Variants in SORCS1 observed in about 807,000 individuals in gnomAD.
SORCS1 encodes sortilin related VPS10 domain containing receptor 1.
In SORCS1, 60 loss-of-function variants were observed where a neutral mutation model predicts 146.1. The observed-to-expected ratio is 0.41, with a 90% confidence interval of 0.33 to 0.51. SORCS1 has a LOEUF of 0.51. SORCS1 is among the 20% of genes least tolerant of loss of function. The pLI is 0.21. For synonymous variants in SORCS1, 637 were observed against 584.0 expected (o/e 1.09, Z -1.31); for missense variants, 1,352 against 1,487.6 (o/e 0.91, Z 1.50).
intron 1 of SORCS1, among the ~76,000 whole-genome samples, chr10:107,152,141 C>T (rs1324364492): frequency 2.0e-5 from 3 of 152,166 alleles, no homozygotes; most frequent in African/African-American, 7.2e-5. Flanking sequence ...AGAGTGCAAA[C>T]CCTAAGCCTT....
intron 1 of SORCS1, among the ~76,000 whole-genome samples, chr10:107,139,534 G>GA (rs139858876): frequency 6.1e-4 from 93 of 152,236 alleles, no homozygotes; most frequent in African/African-American, 2.1e-3. Flanking sequence ...GAGAGAAAGA[G>GA]AAAAGGAAAG....
rs148749640 is a variant in SORCS1 at position 106,666,604 on chromosome 10, T to C, written c.2303+1085A>G. On this transcript the variant is annotated intron_variant, in intron 17 of 25. Coordinates refer to ENST00000263054, the MANE Select transcript of SORCS1 (RefSeq NM_052918.5). ...CAGAGTCTTACTCGGTCACCCAGGC[T>C]GGAGTGCAGTGGTGCAATCCCGGCT... is the stretch of plus-strand genomic sequence containing the variant. Among the ~76,000 whole-genome samples the C allele has an allele frequency of 6.1e-3, 925 of 151,452 alleles. 12 individuals carry two copies. The highest frequency in any genetic ancestry group is 0.021 in the African/African-American group (872 of 41,176).
At chr10:106,883,747 T>C (rs4918266) in intron 2 of SORCS1, among the ~76,000 whole-genome samples, 60 of 152,284 alleles carry the variant, frequency 3.9e-4, no homozygotes, top group African/African-American at 1.4e-3. Context: ...TGGTTGTATA[T>C]CTATTGCCAG....
chr10:107,120,621 T>C (rs890651194), intron 1 of SORCS1, among the ~76,000 whole-genome samples: 2 of 152,192 alleles, frequency 1.3e-5, no homozygotes, highest in Non-Finnish European at 2.9e-5. Flanking sequence ...ATGCACAGGA[T>C]AACCTAATAG....
At chr10:106,700,868 C>G (rs1488917778) in intron 8 of SORCS1, among the ~76,000 whole-genome samples, 2 of 152,128 alleles carry the variant, frequency 1.3e-5, no homozygotes, top group Non-Finnish European at 2.9e-5. Flanking sequence ...GAAAGAACCC[C>G]AAGTGGATAG....
At chr10:106,629,909 TGGC>T (rs1482905548) in intron 18 of SORCS1, among the ~76,000 whole-genome samples, 1 of 152,104 alleles carries the variant, frequency 6.6e-6, no homozygotes, top group Middle Eastern at 3.2e-3. Context: ...CTGGGCGTGG[TGGC>T]GCACGCCTAT....
chr10:107,033,878 G>A (rs1158141685), intron 1 of SORCS1, among the ~76,000 whole-genome samples: 1 of 152,142 alleles, frequency 6.6e-6, no homozygotes, highest in Admixed American at 6.5e-5. Flanking sequence ...AGCCATGTGG[G>A]GTGAGGGAGC....
At chr10:106,581,295 C>G (rs1039530766) in intron 24 of SORCS1, among the ~76,000 whole-genome samples, 1 of 149,628 alleles carries the variant, frequency 6.7e-6, no homozygotes, top group African/African-American at 2.5e-5. Flanking sequence ...ATGGAAGAAC[C>G]AAGACTTGAA....
At chr10:106,854,928 T>A (rs1589560412) in intron 2 of SORCS1, among the ~76,000 whole-genome samples, 1 of 152,164 alleles carries the variant, frequency 6.6e-6, no homozygotes, top group Admixed American at 6.5e-5. Context: ...AGAATAAAGG[T>A]TTTTGTGGTA....
rs546140770 is a variant in SORCS1, at chr10:106,607,953, T to G, written c.3034-656A>C. Among the ~76,000 whole-genome samples, 147 of 152,294 alleles carry G rather than the reference T, an allele frequency of 9.7e-4. 2 individuals are homozygous for G. Among genetic ancestry groups the G allele is most frequent in the African/African-American group, 3.4e-3 (143 of 41,558 alleles). On this transcript the variant is annotated intron_variant, in intron 22 of 25. Coordinates refer to ENST00000263054, the MANE Select transcript of SORCS1 (RefSeq NM_052918.5). ...CCTGAAGCACCCTGAGCCCTCCACTTGGCCACACTGACTCTTCTGTTAAAA... is the reference window on the plus strand; with the variant it reads ...CCTGAAGCACCCTGAGCCCTCCACTGGGCCACACTGACTCTTCTGTTAAAA...
intron 1 of SORCS1, among the ~76,000 whole-genome samples, chr10:107,110,780 G>A (rs1418608829): frequency 1.3e-5 from 2 of 152,174 alleles, no homozygotes; most frequent in African/African-American, 4.8e-5. Flanking sequence ...CAGTGACCTA[G>A]GAGGAGCCCT....
chr10:106,598,849 G>T (rs1237247290), intron 23 of SORCS1, among the ~76,000 whole-genome samples: 1 of 152,104 alleles, frequency 6.6e-6, no homozygotes, highest in Non-Finnish European at 1.5e-5. Flanking sequence ...GAACTGAACT[G>T]CCCCACAGAT....
chr10:107,039,641 C>T (rs911762349), intron 1 of SORCS1, among the ~76,000 whole-genome samples: 2 of 152,172 alleles, frequency 1.3e-5, no homozygotes, highest in African/African-American at 2.4e-5. Flanking sequence ...GCCTCTCAGT[C>T]TCAGCAGTCA....
Position 106,650,029 on chromosome 10 carries a change from A to T in SORCS1, c.2475+2353T>A, listed in dbSNP as rs576662257. Among the ~76,000 whole-genome samples, 23 of 152,236 alleles carry T rather than the reference A, an allele frequency of 1.5e-4. No individual in the cohort carries two copies. The South Asian group carries it at 4.8e-3, about 32-fold the overall frequency. On this transcript the variant is annotated intron_variant, in intron 18 of 25. Transcript: ENST00000263054. ...ATAATAATCATTGTTGTTTTACAGG[A>T]TATCTTAAATAAACACTATATATCA...
chr10:107,107,303 A>G (rs1965375191), intron 1 of SORCS1, among the ~76,000 whole-genome samples: 1 of 152,260 alleles, frequency 6.6e-6, no homozygotes, highest in Middle Eastern at 3.2e-3. Flanking sequence ...GAAATTAGGA[A>G]TATGAATGGC....
chr10:106,601,458 C>T (rs1846236332), intron 23 of SORCS1, among the ~76,000 whole-genome samples: 1 of 152,198 alleles, frequency 6.6e-6, no homozygotes, highest in Non-Finnish European at 1.5e-5. Flanking sequence ...ACCTACATTT[C>T]ATTTAAAGTC....
chr10:106,811,388 A>G (rs1947450853), intron 3 of SORCS1, among the ~76,000 whole-genome samples: 2 of 152,214 alleles, frequency 1.3e-5, no homozygotes, highest in South Asian at 4.1e-4. Flanking sequence ...CTGTTGGCAC[A>G]GCTCACCTCT....
chr10:107,065,510 C>T (rs375354597), intron 1 of SORCS1, among the ~76,000 whole-genome samples: 5,054 of 86,258 alleles, frequency 0.059, 473 homozygotes, highest in African/African-American at 0.23. Flanking sequence ...CTCCTCTCCT[C>T]TCTTTCTTTC....
intron 24 of SORCS1, among the ~76,000 whole-genome samples, chr10:106,595,287 G>C (rs1845840424): frequency 6.6e-6 from 1 of 152,160 alleles, no homozygotes; most frequent in Admixed American, 6.5e-5. Context: ...CCCAGCGTAG[G>C]CAGGCACTCG....
Sources: gnomAD v4.1 joint callset for allele counts (sites outside exome capture counted in the v4.1 genomes callset) on GRCh38, gnomAD v4.1.1 for gene constraint, MANE v1.5 for transcripts, NCBI Gene and HGNC (gene_info 2026-07-23, HGNC 2026-07-21) for gene names.